Variants in NFIA observed in about 807,000 individuals in gnomAD.
The protein encoded by NFIA is nuclear factor 1 A-type.
In NFIA, 8 loss-of-function variants were observed where a neutral mutation model predicts 62.8. The observed-to-expected ratio is 0.13, with a 90% CI of 0.07 to 0.23. NFIA has a LOEUF of 0.23. NFIA is among the 10% of genes least tolerant of loss of function. The pLI is 1.00. For missense variants in NFIA, 410 were observed against 642.1 expected (o/e 0.64, Z 3.91); for synonymous variants, 235 against 238.1 (o/e 0.99, Z 0.12).
chr1:61,098,286 C>A (rs1050149190), intron 2 of NFIA, among the ~76,000 whole-genome samples: 1 of 152,078 alleles, frequency 6.6e-6, no homozygotes, highest in East Asian at 1.9e-4. Context: ...TGAGAACTAA[C>A]GATAAGTGGG....
At chr1:61,082,887 G>T (rs1646139624) in intron 1 of NFIA, 69 bp downstream of exon 1, 2 of 1,454,156 alleles carry the variant, frequency 1.4e-6, no homozygotes, top group Admixed American at 5.4e-5. Flanking sequence ...GGCTGGGTGG[G>T]GGGCACCGGG....
chr1:61,359,646 T>C (rs1166543728), intron 6 of NFIA, among the ~76,000 whole-genome samples: 2 of 152,190 alleles, frequency 1.3e-5, no homozygotes, highest in Non-Finnish European at 2.9e-5. Flanking sequence ...AGTGGCATGA[T>C]CTTGGCTCAC....
chr1:61,389,837 A>G (rs1022398156), intron 7 of NFIA, among the ~76,000 whole-genome samples: 1 of 151,754 alleles, frequency 6.6e-6, no homozygotes, highest in South Asian at 2.1e-4. Flanking sequence ...GGTTTCTCTT[A>G]GGTGCACGCC....
intron 2 of NFIA, among the ~76,000 whole-genome samples, chr1:61,238,498 T>A (rs1371289199): frequency 6.6e-6 from 1 of 152,170 alleles, no homozygotes; most frequent in African/African-American, 2.4e-5. Flanking sequence ...GTCAAGAAAC[T>A]GCATTTGTCT....
At chr1:61,134,245 AGTGTGT>A (rs61677972) in intron 2 of NFIA, among the ~76,000 whole-genome samples, 87,232 of 146,104 alleles carry the variant, frequency 0.6, 26,347 homozygotes, top group Non-Finnish European at 0.66. Flanking sequence ...TGTGTGTGTG[AGTGTGT>A]GTGTGTGTGT....
At chr1:61,397,456 T>C (rs1665335989) in intron 7 of NFIA, among the ~76,000 whole-genome samples, 1 of 152,200 alleles carries the variant, frequency 6.6e-6, no homozygotes, top group Non-Finnish European at 1.5e-5. Flanking sequence ...CATCACTCCT[T>C]TCTTTCATGT....
At chr1:61,114,805 G>T in intron 2 of NFIA, among the ~76,000 whole-genome samples, 1 of 152,122 alleles carries the variant, frequency 6.6e-6, no homozygotes, top group East Asian at 1.9e-4. Context: ...TAATCTGAGT[G>T]CCTTCAAGAC....
intron 2 of NFIA, among the ~76,000 whole-genome samples, chr1:61,194,588 T>C (rs1243566410): frequency 6.6e-6 from 1 of 152,180 alleles, no homozygotes; most frequent in East Asian, 1.9e-4. Flanking sequence ...CCCTGTAAGG[T>C]AGGCAAGGTA....
At chr1:61,086,457 C>T (rs1157497663) in intron 1 of NFIA, among the ~76,000 whole-genome samples, 1 of 152,084 alleles carries the variant, frequency 6.6e-6, no homozygotes, top group Non-Finnish European at 1.5e-5. Context: ...GCAAGAATAA[C>T]AATTCCTGTA....
chr1:61,219,962 AAAATAAAT>A (rs78141910), intron 2 of NFIA, among the ~76,000 whole-genome samples: 10,227 of 151,450 alleles, frequency 0.068, 457 homozygotes, highest in East Asian at 0.19. Flanking sequence ...ACTCCGTCTC[AAAATAAAT>A]AAATAAATAA....
chr1:61,111,580 G>A (rs560861086), intron 2 of NFIA, among the ~76,000 whole-genome samples: 11 of 152,186 alleles, frequency 7.2e-5, no homozygotes, highest in Middle Eastern at 6.8e-3. Context: ...GGAGATTGTT[G>A]TGCATTCTAT....
chr1:61,238,189 T>G (rs1210189179), intron 2 of NFIA, among the ~76,000 whole-genome samples: 1 of 152,210 alleles, frequency 6.6e-6, no homozygotes, highest in African/African-American at 2.4e-5. Context: ...TGTGTTAATT[T>G]ATGTGAAAGG....
rs1007057967 is a variant in NFIA, at chr1:61,456,158, G to A, written c.*838G>A. On this transcript the variant is annotated 3_prime_UTR_variant, in exon 11 of 11. Transcript: ENST00000403491. ...CTGACAGGAATCAATCAAAACAATC[G>A]AATTTTGAATTGAGTAAAGTGCAAT... 1.3e-5 allele frequency: 2 copies of A among 152,534 alleles called. No individual in the cohort carries two copies. Among genetic ancestry groups the A allele is most frequent in the South Asian group, 2.1e-4 (1 of 4,820 alleles). 9.4% of individuals were successfully genotyped at this position (152,534 alleles called of 1,614,324 possible). A position where few individuals can be genotyped will look rare whatever the true frequency, so the allele number is the denominator to read the frequency against.
chr1:61,168,226 A>T (rs2100545550), intron 2 of NFIA, among the ~76,000 whole-genome samples: 1 of 152,312 alleles, frequency 6.6e-6, no homozygotes, highest in Admixed American at 6.5e-5. Context: ...TAGTGCAAAG[A>T]CCAGTTGTGA....
At chr1:61,213,602 C>A (rs1653402592) in intron 2 of NFIA, among the ~76,000 whole-genome samples, 2 of 152,120 alleles carry the variant, frequency 1.3e-5, no homozygotes, top group South Asian at 4.1e-4. Context: ...TTACTGTTTT[C>A]CCAGGATAAA....
intron 2 of NFIA, among the ~76,000 whole-genome samples, chr1:61,240,561 G>A (rs1655286965): frequency 6.6e-6 from 1 of 151,572 alleles, no homozygotes; most frequent in Non-Finnish European, 1.5e-5. Flanking sequence ...ATACTGACAT[G>A]ATATTAAATA....
At chr1:61,110,610 A>G (rs1646679566) in intron 2 of NFIA, among the ~76,000 whole-genome samples, 1 of 152,056 alleles carries the variant, frequency 6.6e-6, no homozygotes, top group Non-Finnish European at 1.5e-5. Context: ...AGTTGTAATA[A>G]TTGCAGGAGT....
At chr1:61,338,951 AAG>A (rs1201598786) in intron 4 of NFIA, among the ~76,000 whole-genome samples, 2 of 152,208 alleles carry the variant, frequency 1.3e-5, no homozygotes, top group African/African-American at 4.8e-5. Context: ...CTTCTTTCAA[AAG>A]AAACCATTTG....
rs551817211 is a variant in NFIA, at chr1:61,371,495, T to G, written c.947-11742T>G. Among the ~76,000 whole-genome samples the G allele has an allele frequency of 4.7e-5, 7 of 148,442 alleles. No homozygotes were observed. The South Asian group carries it at 1.4e-3, about 31-fold the overall frequency. On this transcript the variant is annotated intron_variant, in intron 6 of 10. Transcript: ENST00000403491. ...AAAAAAAATCTTTGTGACACACATT[T>G]ATTATATTGGATCACATAAATTTTT... is the stretch of plus-strand genomic sequence containing the variant.
Sources: gnomAD v4.1 joint callset for allele counts (sites outside exome capture counted in the v4.1 genomes callset) on GRCh38, gnomAD v4.1.1 for gene constraint, MANE v1.5 for transcripts, NCBI Gene and HGNC (gene_info 2026-07-23, HGNC 2026-07-21) for gene names.